Variants in TGFA observed in about 807,000 individuals in gnomAD.
TGFA encodes the protein protransforming growth factor alpha.
Under a neutral mutation model 21.7 loss-of-function variants are expected in TGFA, and 12 were observed. The observed-to-expected ratio is 0.55, with a 90% confidence interval of 0.35 to 0.90. TGFA has a LOEUF of 0.90. Ranked by LOEUF, TGFA falls within the 40% of genes least tolerant of loss-of-function variation. The probability of loss-of-function intolerance (pLI) is 0.01; values close to 1 mark genes in which losing one functional copy is unlikely to be tolerated. For synonymous variants in TGFA, 79 were observed against 88.1 expected, an observed-to-expected ratio of 0.90 and a Z score of 0.58; for missense variants, 178 against 210.8, an observed-to-expected ratio of 0.84 and a Z score of 0.96.
intron 1 of TGFA, among the ~76,000 whole-genome samples, chr2:70,522,031 T>C (rs1324763948): frequency 6.6e-6 from 1 of 152,248 alleles, no homozygotes; most frequent in Non-Finnish European, 1.5e-5. Context: ...TAATCATTTC[T>C]TCCTCAGAGG....
chr2:70,504,465 CACACAT>C (rs1197671008), intron 2 of TGFA, among the ~76,000 whole-genome samples: 1 of 62,520 alleles, frequency 1.6e-5, no homozygotes, highest in East Asian at 4.6e-4. Flanking sequence ...TATATATATA[CACACAT>C]ACATACATAC....
chr2:70,542,467 G>A (rs1255190191), intron 1 of TGFA, among the ~76,000 whole-genome samples: 1 of 152,126 alleles, frequency 6.6e-6, no homozygotes, highest in African/African-American at 2.4e-5. Context: ...TGAAGATACG[G>A]TCTCATTGTA....
intron 1 of TGFA, among the ~76,000 whole-genome samples, chr2:70,547,155 C>T (rs1295775679): frequency 6.6e-6 from 1 of 152,096 alleles, no homozygotes; most frequent in Non-Finnish European, 1.5e-5. Flanking sequence ...TTAATATTCC[C>T]ACAACAATGT....
chr2:70,505,234 TC>T (rs1671884605), intron 2 of TGFA, among the ~76,000 whole-genome samples: 1 of 152,180 alleles, frequency 6.6e-6, no homozygotes, highest in Non-Finnish European at 1.5e-5. Flanking sequence ...CTCTGTGGGG[TC>T]TCACACAATT....
chr2:70,456,213 C>T (rs573338680), intron 4 of TGFA, 126 bp downstream of exon 4: 2 of 1,298,922 alleles, frequency 1.5e-6, no homozygotes, highest in Non-Finnish European at 2.1e-6. Context: ...TTTAGCTTTC[C>T]TGACAGCACT....
chr2:70,473,452 A>G (rs1325035497), intron 2 of TGFA, among the ~76,000 whole-genome samples: 1 of 151,490 alleles, frequency 6.6e-6, no homozygotes, highest in African/African-American at 2.4e-5. Flanking sequence ...GTCAGCATCT[A>G]GTGTGGCAAT....
chr2:70,491,101 C>G (rs782383922), intron 2 of TGFA, among the ~76,000 whole-genome samples: 5 of 152,220 alleles, frequency 3.3e-5, no homozygotes, highest in Non-Finnish European at 7.3e-5. Context: ...ACCCATCTAC[C>G]TTTAATTGAA....
intron 2 of TGFA, among the ~76,000 whole-genome samples, chr2:70,482,051 T>C (rs532097646): frequency 6.6e-6 from 1 of 152,338 alleles, no homozygotes; most frequent in Non-Finnish European, 1.5e-5. Context: ...CACTTTGAGT[T>C]TCTATAAGTA....
chr2:70,463,311 C>T (rs560127352), intron 3 of TGFA, among the ~76,000 whole-genome samples: 25 of 152,112 alleles, frequency 1.6e-4, no homozygotes, highest in African/African-American at 3.9e-4. Context: ...TTAATAGTAA[C>T]GTGTATGATG....
At chr2:70,534,101 A>T (rs1317658887) in intron 1 of TGFA, among the ~76,000 whole-genome samples, 1 of 152,208 alleles carries the variant, frequency 6.6e-6, no homozygotes, top group Non-Finnish European at 1.5e-5. Context: ...AGGTACAAAG[A>T]CCACCCAAAA....
chr2:70,496,915 A>G (rs782062259), intron 2 of TGFA, among the ~76,000 whole-genome samples: 5 of 152,244 alleles, frequency 3.3e-5, no homozygotes, highest in Admixed American at 6.5e-5. Flanking sequence ...GCTACTAAGG[A>G]AATGCACAGA....
intron 1 of TGFA, among the ~76,000 whole-genome samples, chr2:70,538,498 A>T (rs1121328): frequency 6.6e-6 from 1 of 152,208 alleles, no homozygotes; most frequent in South Asian, 2.1e-4. Context: ...CAAAATATCA[A>T]CATTAATAGG....
intron 2 of TGFA, among the ~76,000 whole-genome samples, chr2:70,474,968 CCGTGT>C (rs1670877018): frequency 1.1e-5 from 1 of 88,522 alleles, no homozygotes; most frequent in Non-Finnish European, 2.2e-5. Flanking sequence ...AACACAGCAG[CCGTGT>C]GTGTGTGTGT....
intron 2 of TGFA, among the ~76,000 whole-genome samples, chr2:70,481,216 G>T (rs535325522): frequency 1.3e-5 from 2 of 152,130 alleles, no homozygotes; most frequent in African/African-American, 4.8e-5. Context: ...ACCCAGTCAG[G>T]GTTCTGCATA....
rs540593293 is a variant in TGFA at position 70,517,228 on chromosome 2, A to G, written c.41-2316T>C. The stretch of plus-strand genomic sequence containing the variant: ...GATGAAAGACACTGGCTTTTTATTC[A>G]TAATTTGAGCAACACAAGAAGAATA... On this transcript the variant is annotated intron_variant, in intron 1 of 5. Transcript: ENST00000295400. Among the ~76,000 whole-genome samples the G allele has an allele frequency of 3.3e-5, 5 of 152,364 alleles. No individual in the cohort carries two copies. In the East Asian group the frequency reaches 9.6e-4, roughly 29 times the overall value.
At chr2:70,544,231 A>G (rs1371601166) in intron 1 of TGFA, among the ~76,000 whole-genome samples, 1 of 152,066 alleles carries the variant, frequency 6.6e-6, no homozygotes, top group Admixed American at 6.5e-5. Context: ...AAGGATATCT[A>G]CTGCCTTTTA....
Position 70,536,974 on chromosome 2 carries a change from GTTTTC to G in TGFA, c.40+16749_40+16753del, listed in dbSNP as rs1672985314. On this transcript the variant is annotated intron_variant, in intron 1 of 5. Transcript: ENST00000295400. Reference sequence around the variant, plus strand: ...CACAGATACTGTGGTTTTTTGTTTTGTTTTCTTTTTTCTTTTTCTTTTTCTTTTTT... The same window carrying G: ...CACAGATACTGTGGTTTTTTGTTTTGTTTTTTCTTTTTCTTTTTCTTTTTT... Among the ~76,000 whole-genome samples, 10 of 142,276 alleles carry G rather than the reference GTTTTC, an allele frequency of 7.0e-5. No individual in the cohort carries two copies. The South Asian group carries it at 1.6e-3, about 23-fold the overall frequency. The allele number at this position is 142,276 out of a possible 152,430, so 93.3% of individuals were successfully genotyped here.
intron 2 of TGFA, among the ~76,000 whole-genome samples, chr2:70,485,281 C>G (rs1156765844): frequency 6.6e-6 from 1 of 152,188 alleles, no homozygotes; most frequent in Non-Finnish European, 1.5e-5. Context: ...CCCTGTCACC[C>G]AGGCTAGAGT....
At chr2:70,531,214 GTATGGTCAGTCCCAT>G (rs1672805748) in intron 1 of TGFA, among the ~76,000 whole-genome samples, 1 of 152,210 alleles carries the variant, frequency 6.6e-6, no homozygotes, top group Non-Finnish European at 1.5e-5. Flanking sequence ...TCCACACAGA[GTATGGTCAGTCCCAT>G]TAGCTGTGTT....
Sources: gnomAD v4.1 joint callset for allele counts (sites outside exome capture counted in the v4.1 genomes callset) on GRCh38, gnomAD v4.1.1 for gene constraint, MANE v1.5 for transcripts, NCBI Gene and HGNC (gene_info 2026-07-23, HGNC 2026-07-21) for gene names.